LRRC14: variants seen among roughly 807,000 people sequenced by gnomAD.
LRRC14 encodes leucine rich repeat containing 14.
Under a neutral mutation model 25.3 loss-of-function variants are expected in LRRC14, and 16 were observed. The observed-to-expected ratio is 0.63, with a 90% CI of 0.43 to 0.96. The LOEUF (loss-of-function observed/expected upper bound fraction) is 0.96. Ranked by LOEUF, LRRC14 falls within the 40% of genes least tolerant of loss-of-function variation. The pLI is 0.00. For missense variants in LRRC14, 594 were observed against 660.5 expected, an observed-to-expected ratio of 0.90 and a Z score of 1.10; for synonymous variants, 359 against 295.1, an observed-to-expected ratio of 1.22 and a Z score of -2.22.
rs780806393 is a variant in LRRC14, at chr8:144,522,449, C to G, written c.*971C>G. The G allele has an allele frequency of 1.8e-5, 25 of 1,395,268 alleles. No homozygotes were observed. Among genetic ancestry groups the G allele is most frequent in the Middle Eastern group, 5.1e-4 (2 of 3,938 alleles). The allele number at this position is 1,395,268 out of a possible 1,614,324, so 86.4% of individuals were successfully genotyped here. ...AGGCCGCACCGGCCAATCTCCGGCG[C>G]CCACGTCATCCGCGCGCCCGCGGCC... On this transcript the variant is annotated 3_prime_UTR_variant, in exon 4 of 4. Transcript: ENST00000292524.
At position 144,520,623 on chromosome 8, in the gene LRRC14, G is replaced by C; in HGVS notation, c.715G>C (p.Val239Leu). The C allele has an allele frequency of 6.2e-7, 1 of 1,602,010 alleles. No homozygotes were observed. The highest frequency in any genetic ancestry group is 8.5e-7 in the Non-Finnish European group (1 of 1,179,950). ...FNNLGLRGLSVIIPHVARFQH... is the reference protein window; with the variant it reads ...FNNLGLRGLSLIIPHVARFQH... ...CAATCTGGGCCTGCGCGGCCTGTCT[G>C]TGATCATCCCACACGTGGCCCGCTT... The change falls in exon 3 of 4, where the codon GTG becomes CTG. Residue 239 changes from valine (V) to leucine (L), a missense_variant. Physicochemically the swap from Val to Leu is conservative, Grantham distance 32. Coordinates refer to ENST00000292524, the MANE Select transcript of LRRC14 (RefSeq NM_014665.4).
rs1199667837 is a variant in LRRC14 at position 144,523,093 on chromosome 8, G to T, written c.*1615G>T. The T allele has an allele frequency of 1.2e-6, 2 of 1,608,910 alleles. No individual in the cohort carries two copies. Among genetic ancestry groups the T allele is most frequent in the Non-Finnish European group, 1.7e-6 (2 of 1,179,472 alleles). On this transcript the variant is annotated 3_prime_UTR_variant, in exon 4 of 4. Coordinates refer to ENST00000292524, the MANE Select transcript of LRRC14 (RefSeq NM_014665.4). ...GGCCCAGCAACCCGCCTTCTAGCTG[G>T]GCCTGGGCTCGCGGCCGGCCCTCGC... is the stretch of plus-strand genomic sequence containing the variant.
chr8:144,522,403 TTTA>T lies in LRRC14; in HGVS notation c.*926_*928del. 2 of 1,368,964 alleles carry T rather than the reference TTTA, an allele frequency of 1.5e-6. No homozygotes were observed. Among genetic ancestry groups the T allele is most frequent in the East Asian group, 3.1e-5 (1 of 32,682 alleles). The allele number at this position is 1,368,964 out of a possible 1,614,324, so 84.8% of individuals were successfully genotyped here. A position where few individuals can be genotyped will look rare whatever the true frequency, so the allele number is the denominator to read the frequency against. ...CAGCGCACACTGCGCGGCTTCCACC[TTTA>T]CTGACGGAGCATGCGCGAGGCCGCA... On this transcript the variant is annotated 3_prime_UTR_variant, in exon 4 of 4. Transcript: ENST00000292524.
Position 144,521,449 on chromosome 8 carries a change from C to A in LRRC14, c.1453C>A (p.Arg485=). The part of the protein sequence containing the change: ...HVLWTTDIYG[R]LAADYFSL ...GCTCTGGACCACGGACATCTACGGG[C>A]GACTGGCTGCGGACTACTTCAGCCT... The change falls in exon 4 of 4, where the codon CGA becomes AGA. Residue 485 remains arginine (R), a synonymous_variant. Transcript: ENST00000292524. 1 of 1,604,306 alleles carries A rather than the reference C, an allele frequency of 6.2e-7. No homozygotes were observed. Among genetic ancestry groups the A allele is most frequent in the Non-Finnish European group, 8.5e-7 (1 of 1,179,090 alleles).
Position 144,523,368 on chromosome 8 carries a change from C to A in LRRC14, c.*1890C>A. 1 of 1,574,242 alleles carries A rather than the reference C, an allele frequency of 6.4e-7. No individual in the cohort carries two copies. The highest frequency in any genetic ancestry group is 8.6e-7 in the Non-Finnish European group (1 of 1,157,494). On this transcript the variant is annotated 3_prime_UTR_variant, in exon 4 of 4. Transcript: ENST00000292524. ...CGCTGGCCGCCCTCCTTGATCCAGG[C>A]ACCCAGCCAGTGCAGGGCGCAGTCA...
At position 144,521,163 on chromosome 8, in the gene LRRC14, G is replaced by A; in HGVS notation, c.1167G>A (p.Leu389=). ...DTQLLATLPI[L]TQCASLRYLG... ...AGCTGTTGGCCACACTACCCATCCT[G>A]ACTCAGTGCGCCAGTCTCCGGTACC... is the stretch of plus-strand genomic sequence containing the variant. Residue 389 remains leucine (L), a synonymous_variant, in exon 4 of 4, where the codon CTG becomes CTA. Coordinates refer to ENST00000292524, the MANE Select transcript of LRRC14 (RefSeq NM_014665.4). 1 of 1,613,142 alleles carries A rather than the reference G, an allele frequency of 6.2e-7. No individual in the cohort carries two copies. Among genetic ancestry groups the A allele is most frequent in the Non-Finnish European group, 8.5e-7 (1 of 1,180,032 alleles).
In LRRC14 at chr8:144,520,327, C is replaced by G; in HGVS notation, c.419C>G (p.Thr140Ser). The change falls in exon 3 of 4, where the codon ACT becomes AGT. Residue 140 changes from threonine (T) to serine (S), a missense_variant. By Grantham distance (58) the Thr-to-Ser change is moderately conservative. Transcript: ENST00000292524. ...DPGTMSMWDCTAAVARTCIAQ... is the reference protein window; with the variant it reads ...DPGTMSMWDCSAAVARTCIAQ... ...GGCACCATGAGCATGTGGGACTGTA[C>G]TGCTGCCGTAGCTCGCACATGCATT... 6.2e-7 allele frequency: 1 copy of G among 1,612,424 alleles called. No individual in the cohort carries two copies. The highest frequency in any genetic ancestry group is 8.5e-7 in the Non-Finnish European group (1 of 1,179,976).
chr8:144,520,544 C>A lies in LRRC14; in HGVS notation c.636C>A (p.Ala212=). 6.3e-7 allele frequency: 1 copy of A among 1,599,904 alleles called. No individual in the cohort carries two copies. The highest frequency in any genetic ancestry group is 1.3e-5 in the African/African-American group (1 of 75,038). ...ACCTGCCCATGCGCAACACTGTGGC[C>A]CTGCTGCAGCTTCTGGATGCAGGCT... ...AEDLPMRNTV[A]LLQLLDAGCL... The change falls in exon 3 of 4, where the codon GCC becomes GCA. Residue 212 remains alanine (A), a synonymous_variant. Transcript: ENST00000292524.
Position 144,521,012 on chromosome 8 carries a change from A to G in LRRC14, c.1016A>G (p.Lys339Arg), listed in dbSNP as rs1178860331. Residue 339 changes from lysine (K) to arginine (R), a missense_variant, in exon 4 of 4, where the codon AAG becomes AGG. Physicochemically the swap from Lys to Arg is conservative, Grantham distance 26. Transcript: ENST00000292524. ...LARSPHAAHL[K>R]KLDLSGNDLS... ...CGGAGCCCACATGCTGCCCACCTCAAGAAGTTGGACCTGAGTGGTAACGAC... is the reference window on the plus strand; with the variant it reads ...CGGAGCCCACATGCTGCCCACCTCAGGAAGTTGGACCTGAGTGGTAACGAC... The G allele has an allele frequency of 1.2e-6, 2 of 1,613,024 alleles. No individual in the cohort carries two copies. The highest frequency in any genetic ancestry group is 2.2e-5 in the East Asian group (1 of 44,906).
chr8:144,520,448 C>G lies in LRRC14; in HGVS notation c.540C>G (p.Phe180Leu). 1 of 1,598,140 alleles carries G rather than the reference C, an allele frequency of 6.3e-7. No homozygotes were observed. The highest frequency in any genetic ancestry group is 8.5e-7 in the Non-Finnish European group (1 of 1,175,478). The part of the protein sequence containing the change: ...DLRVNRASYA[F>L]LREALRSSVG... ...GGGTGAACCGGGCCTCCTATGCGTT[C>G]CTGCGGGAGGCACTCCGAAGCAGCG... Residue 180 changes from phenylalanine to leucine, a missense_variant, in exon 3 of 4, where the codon TTC (phenylalanine) becomes TTG (leucine). Coordinates refer to ENST00000292524, the MANE Select transcript of LRRC14 (RefSeq NM_014665.4).
In LRRC14 at chr8:144,522,962, C is replaced by T. The variant is rs1415602118; in HGVS notation, c.*1484C>T. ...GAGCCGGAAGGGCACGCGGGCAGCG[C>T]CGCCGGCGTTGGAGGCCTCGCACTC... On this transcript the variant is annotated 3_prime_UTR_variant, in exon 4 of 4. Coordinates refer to ENST00000292524, the MANE Select transcript of LRRC14 (RefSeq NM_014665.4). The T allele has an allele frequency of 6.3e-7, 1 of 1,579,556 alleles. No homozygotes were observed. The highest frequency in any genetic ancestry group is 1.7e-5 in the Admixed American group (1 of 58,168).
rs956188004 is a variant in LRRC14 at position 144,521,588 on chromosome 8, C to T, written c.*110C>T. The T allele has an allele frequency of 8.8e-7, 1 of 1,140,298 alleles. No individual in the cohort carries two copies. 70.6% of individuals were successfully genotyped at this position (1,140,298 alleles called of 1,614,324 possible). A position where few individuals can be genotyped will look rare whatever the true frequency, so the allele number is the denominator to read the frequency against. Reference sequence around the variant, plus strand: ...TCACAAAAGCACTGGTTACTGGTTTCCTGCTGGGTCTACCTTGCTTCTGGG... The same window carrying T: ...TCACAAAAGCACTGGTTACTGGTTTTCTGCTGGGTCTACCTTGCTTCTGGG... On this transcript the variant is annotated 3_prime_UTR_variant, in exon 4 of 4. Transcript: ENST00000292524.
Position 144,520,652 on chromosome 8 carries a change from G to A in LRRC14, c.744G>A (p.Gln248=). ...TCATCCCACACGTGGCCCGCTTCCA[G>A]CACCTGGCCAGCCTGCGGCTCCACT... ...SVIIPHVARF[Q]HLASLRLHYV... The change falls in exon 3 of 4, where the codon CAG becomes CAA. Residue 248 remains glutamine, a synonymous_variant. Transcript: ENST00000292524. The A allele has an allele frequency of 6.2e-7, 1 of 1,601,820 alleles. No homozygotes were observed. The highest frequency in any genetic ancestry group is 1.1e-5 in the South Asian group (1 of 91,092).
chr8:144,519,850 A>G lies in LRRC14; in HGVS notation c.125A>G (p.Lys42Arg), dbSNP rs1411324854. ...PLLFKVAFMDKKTVVLRELVH... is the reference protein window; with the variant it reads ...PLLFKVAFMDRKTVVLRELVH... ...CTGTTCAAGGTGGCCTTCATGGACAAGAAGACAGTGGTACTGCGCGAGTTG... is the reference window on the plus strand; with the variant it reads ...CTGTTCAAGGTGGCCTTCATGGACAGGAAGACAGTGGTACTGCGCGAGTTG... Residue 42 changes from lysine to arginine, a missense_variant, in exon 2 of 4, where the codon AAG becomes AGG. Coordinates refer to ENST00000292524, the MANE Select transcript of LRRC14 (RefSeq NM_014665.4). 3.7e-6 allele frequency: 6 copies of G among 1,613,456 alleles called. No homozygotes were observed. The Admixed American group carries it at 6.7e-5, about 18-fold the overall frequency.
chr8:144,524,659 C>G lies in LRRC14; in HGVS notation c.*3181C>G. ...TGCAGGTAGAGCCGGCGCAGAGCGGCGAGTGGCGCCAGGGCTCCCGGCTCT... is the reference window on the plus strand; with the variant it reads ...TGCAGGTAGAGCCGGCGCAGAGCGGGGAGTGGCGCCAGGGCTCCCGGCTCT... On this transcript the variant is annotated 3_prime_UTR_variant, in exon 4 of 4. Coordinates refer to ENST00000292524, the MANE Select transcript of LRRC14 (RefSeq NM_014665.4). 1 of 1,495,138 alleles carries G rather than the reference C, an allele frequency of 6.7e-7. No homozygotes were observed. 92.6% of individuals were successfully genotyped at this position (1,495,138 alleles called of 1,614,324 possible).
In LRRC14 at chr8:144,524,678, C is replaced by G; in HGVS notation, c.*3200C>G. On this transcript the variant is annotated 3_prime_UTR_variant, in exon 4 of 4. Transcript: ENST00000292524. ...GAGCGGCGAGTGGCGCCAGGGCTCC[C>G]GGCTCTAGGCGGGCGATGTTGTTGT... 3 of 1,475,056 alleles carry G rather than the reference C, an allele frequency of 2.0e-6. No homozygotes were observed. Among genetic ancestry groups the G allele is most frequent in the Non-Finnish European group, 2.7e-6 (3 of 1,123,942 alleles). The allele number at this position is 1,475,056 out of a possible 1,614,324, so 91.4% of individuals were successfully genotyped here. A position where few individuals can be genotyped will look rare whatever the true frequency, so the allele number is the denominator to read the frequency against.
rs200337480 is a variant in LRRC14 at position 144,520,828 on chromosome 8, C to T, written c.914+6C>T. The T allele has an allele frequency of 2.3e-5, 37 of 1,593,990 alleles. No individual in the cohort carries two copies. Among genetic ancestry groups the T allele is most frequent in the South Asian group, 7.7e-5 (7 of 90,560 alleles). On this transcript the variant is annotated splice_donor_region_variant and intron_variant, in intron 3 of 3. Coordinates refer to ENST00000292524, the MANE Select transcript of LRRC14 (RefSeq NM_014665.4). ...AGGCTGGACCAGCTGCTCAGGTGAG[C>T]GGGCCCCACCACTGCCCTGCCCCTC...
chr8:144,522,448 G>T lies in LRRC14; in HGVS notation c.*970G>T. The T allele has an allele frequency of 1.4e-6, 2 of 1,392,678 alleles. No individual in the cohort carries two copies. The highest frequency in any genetic ancestry group is 3.6e-5 in the Admixed American group (1 of 27,796). The allele number at this position is 1,392,678 out of a possible 1,614,324, so 86.3% of individuals were successfully genotyped here. ...GAGGCCGCACCGGCCAATCTCCGGCGCCCACGTCATCCGCGCGCCCGCGGC... is the reference window on the plus strand; with the variant it reads ...GAGGCCGCACCGGCCAATCTCCGGCTCCCACGTCATCCGCGCGCCCGCGGC... On this transcript the variant is annotated 3_prime_UTR_variant, in exon 4 of 4. Coordinates refer to ENST00000292524, the MANE Select transcript of LRRC14 (RefSeq NM_014665.4).
rs267601828 is a variant in LRRC14, at chr8:144,522,636, C to G, written c.*1158C>G. The G allele has an allele frequency of 1.9e-6, 3 of 1,583,304 alleles. No individual in the cohort carries two copies. Among genetic ancestry groups the G allele is most frequent in the East Asian group, 2.4e-5 (1 of 41,710 alleles). ...TCGTGGCCGCGCTCGTCGCGGAGCT[C>G]CTCTAGCTGTGCGAACGTACAGGGG... On this transcript the variant is annotated 3_prime_UTR_variant, in exon 4 of 4. Coordinates refer to ENST00000292524, the MANE Select transcript of LRRC14 (RefSeq NM_014665.4).
Sources: allele counts gnomAD v4.1 joint callset, GRCh38; gene constraint gnomAD v4.1.1; transcripts MANE v1.5; gene names NCBI Gene and HGNC (gene_info 2026-07-23, HGNC 2026-07-21).